CTNND2: variants seen among roughly 807,000 people sequenced by gnomAD.
CTNND2 encodes catenin delta 2.
CTNND2 carries 22 observed loss-of-function variants against 144.4 expected under a neutral mutation model. The ratio of observed to expected loss-of-function variants is 0.15; its 90% confidence interval spans 0.11 to 0.22. The LOEUF (loss-of-function observed/expected upper bound fraction) is 0.22, where lower values mean the gene tolerates loss of function less well. CTNND2 is among the 10% of genes least tolerant of loss of function. CTNND2 has a pLI of 1.00. For synonymous variants in CTNND2, 751 were observed against 695.6 expected (o/e 1.08, Z -1.25); for missense variants, 1,353 against 1,618.8 (o/e 0.84, Z 2.82).
chr5:11,625,587 C>A (rs1781115126), intron 2 of CTNND2, among the ~76,000 whole-genome samples: 2 of 151,908 alleles, frequency 1.3e-5, no homozygotes, highest in Non-Finnish European at 2.9e-5. Flanking sequence ...CATGAAAACA[C>A]AAAATAAAAA....
At chr5:11,268,384 A>C (rs1745664845) in intron 9 of CTNND2, among the ~76,000 whole-genome samples, 1 of 152,158 alleles carries the variant, frequency 6.6e-6, no homozygotes, top group Admixed American at 6.6e-5. Context: ...AGAGTTCAAG[A>C]TCAGCCTAGA....
intron 18 of CTNND2, among the ~76,000 whole-genome samples, chr5:10,996,129 G>A (rs58889539): frequency 0.061 from 9,261 of 152,214 alleles, 936 homozygotes; most frequent in African/African-American, 0.21. Context: ...GTCAGCATCC[G>A]TGTGTGCCTC....
At chr5:11,532,762 A>G (rs1334272903) in intron 3 of CTNND2, among the ~76,000 whole-genome samples, 1 of 152,264 alleles carries the variant, frequency 6.6e-6, no homozygotes, top group African/African-American at 2.4e-5. Context: ...GTCAGGAAAT[A>G]GACTTTAATC....
intron 1 of CTNND2, among the ~76,000 whole-genome samples, chr5:11,743,892 T>C (rs142572889): frequency 1.3e-5 from 2 of 152,268 alleles, no homozygotes; most frequent in African/African-American, 4.8e-5. Flanking sequence ...GCATGAGCTA[T>C]TCATCATTGA....
chr5:11,219,239 C>A (rs959084238), intron 10 of CTNND2, among the ~76,000 whole-genome samples: 4 of 152,210 alleles, frequency 2.6e-5, no homozygotes, highest in Admixed American at 2.6e-4. Flanking sequence ...TCACCCACTT[C>A]AACTATTAAT....
chr5:11,836,605 TAAAG>T (rs1230950411), intron 1 of CTNND2, among the ~76,000 whole-genome samples: 3 of 151,000 alleles, frequency 2.0e-5, no homozygotes, highest in South Asian at 4.2e-4. Flanking sequence ...GAAGTACCCA[TAAAG>T]AAATTCTCTA....
intron 15 of CTNND2, among the ~76,000 whole-genome samples, chr5:11,092,129 G>T (rs1750838994): frequency 6.6e-6 from 1 of 152,048 alleles, no homozygotes; most frequent in South Asian, 2.1e-4. Context: ...ACCTTCTTTT[G>T]TTTCCTGTCT....
Position 11,717,434 on chromosome 5 carries a change from G to A in CTNND2, c.174+14702C>T, listed in dbSNP as rs183439122. On this transcript the variant is annotated intron_variant, in intron 2 of 21. Transcript: ENST00000304623. Reference sequence around the variant, plus strand: ...ACTGCAAATACAAAAAAAATTAGCCGGGCATGGTGGCAGGCACCTGTAATC... The same window carrying A: ...ACTGCAAATACAAAAAAAATTAGCCAGGCATGGTGGCAGGCACCTGTAATC... 4.0e-5 allele frequency among the ~76,000 whole-genome samples: 6 copies of A among 151,708 alleles called. No homozygotes were observed. The East Asian group carries it at 6.0e-4, about 15-fold the overall frequency.
At position 11,385,014 on chromosome 5, in the gene CTNND2, C is replaced by T. The variant is rs1273505722; in HGVS notation, c.828G>A (p.Ser276=). Residue 276 remains serine, a synonymous_variant, in exon 7 of 22, where the codon TCG becomes TCA. Transcript: ENST00000304623. ...GSPLAAPQGG[S]PTKLQRGGSA... is the part of the protein sequence containing the mutation. ...AGCCGCCGCGCTGCAGCTTGGTGGG[C>T]GAACCGCCCTGGGGCGCGGCCAGCG... The T allele has an allele frequency of 9.6e-6, 14 of 1,463,130 alleles. No individual in the cohort carries two copies. The highest frequency in any genetic ancestry group is 2.8e-5 in the South Asian group (2 of 72,706). 90.6% of individuals were successfully genotyped at this position (1,463,130 alleles called of 1,614,324 possible).
At chr5:11,438,231 G>A (rs1763943679) in intron 3 of CTNND2, among the ~76,000 whole-genome samples, 1 of 152,166 alleles carries the variant, frequency 6.6e-6, no homozygotes, top group South Asian at 2.1e-4. Context: ...AACCACAAAT[G>A]CAGATTCAAT....
At chr5:11,080,987 G>A (rs1749486798) in intron 16 of CTNND2, among the ~76,000 whole-genome samples, 2 of 152,018 alleles carry the variant, frequency 1.3e-5, no homozygotes, top group South Asian at 4.1e-4. Context: ...TGAGGCAGGA[G>A]AACTGTTTGA....
In CTNND2 at chr5:11,460,771, G is replaced by A. The variant is rs75370171; in HGVS notation, c.288-48702C>T. 6.7e-3 allele frequency among the ~76,000 whole-genome samples: 1,018 copies of A among 152,222 alleles called. 16 individuals are homozygous for A. Among genetic ancestry groups the A allele is most frequent in the African/African-American group, 0.024 (977 of 41,512 alleles). On this transcript the variant is annotated intron_variant, in intron 3 of 21. Coordinates refer to ENST00000304623, the MANE Select transcript of CTNND2 (RefSeq NM_001332.4). Reference sequence around the variant, plus strand: ...CTACTGCACGTTAAATTGCACTCTGGCCAGGAACTGTGGCTCATGCCTGTA... The same window carrying A: ...CTACTGCACGTTAAATTGCACTCTGACCAGGAACTGTGGCTCATGCCTGTA...
In CTNND2 at chr5:11,229,911, G is replaced by C. The variant is rs187862456; in HGVS notation, c.1761+6780C>G. 4.4e-3 allele frequency among the ~76,000 whole-genome samples: 664 copies of C among 151,808 alleles called. 4 individuals are homozygous for C. The highest frequency in any genetic ancestry group is 0.015 in the African/African-American group (635 of 41,356). ...TCTGGTGTGTGCATTGGAAGAAATG[G>C]GGGAAAGTACAGGCAGGAGGAACAT... On this transcript the variant is annotated intron_variant, in intron 10 of 21. Transcript: ENST00000304623.
chr5:11,008,075 G>C (rs73044267), intron 18 of CTNND2, among the ~76,000 whole-genome samples: 3,635 of 152,284 alleles, frequency 0.024, 139 homozygotes, highest in African/African-American at 0.08. Context: ...CAGAGGTGGT[G>C]AGCATGGAGT....
At position 11,299,435 on chromosome 5, in the gene CTNND2, G is replaced by A. The variant is rs146485249; in HGVS notation, c.1628+46937C>T. 2.9e-3 allele frequency among the ~76,000 whole-genome samples: 435 copies of A among 152,276 alleles called. 1 individual carries two copies. Among genetic ancestry groups the A allele is most frequent in the African/African-American group, 9.0e-3 (373 of 41,538 alleles). On this transcript the variant is annotated intron_variant, in intron 9 of 21. Transcript: ENST00000304623. ...AGCTCAAAGTAGCAGAGTCAAGAGA[G>A]GAGTGGAGCTCTTGACTCCCAATTT...
At chr5:11,361,150 A>G (rs1445538906) in intron 8 of CTNND2, among the ~76,000 whole-genome samples, 2 of 152,110 alleles carry the variant, frequency 1.3e-5, no homozygotes, top group African/African-American at 4.8e-5. Context: ...CATCCCGAGT[A>G]GCTGGGATTA....
chr5:11,218,133 A>T (rs1278868317), intron 10 of CTNND2, among the ~76,000 whole-genome samples: 1 of 151,182 alleles, frequency 6.6e-6, no homozygotes, highest in Non-Finnish European at 1.5e-5. Context: ...GGGACTTAAC[A>T]ATATCCCTGA....
chr5:11,076,963 G>A (rs1051471040), intron 16 of CTNND2, among the ~76,000 whole-genome samples: 3 of 152,168 alleles, frequency 2.0e-5, no homozygotes, highest in African/African-American at 7.2e-5. Flanking sequence ...CATGCATCTA[G>A]TAAATTTATA....
At chr5:11,461,945 G>T (rs1766260618) in intron 3 of CTNND2, among the ~76,000 whole-genome samples, 1 of 152,042 alleles carries the variant, frequency 6.6e-6, no homozygotes, top group Admixed American at 6.5e-5. Flanking sequence ...GGTGGTACTG[G>T]ATAACCTAGG....
Sources: allele counts gnomAD v4.1 joint callset (sites outside exome capture counted in the v4.1 genomes callset), GRCh38; gene constraint gnomAD v4.1.1; transcripts MANE v1.5; gene names NCBI Gene and HGNC (gene_info 2026-07-23, HGNC 2026-07-21).